The following CNTN5 variants were observed in gnomAD, a reference collection of about 807,000 sequenced individuals.
CNTN5 encodes contactin-5.
Under a neutral mutation model 129.1 loss-of-function variants are expected in CNTN5, and 77 were observed. The ratio of observed to expected loss-of-function variants is 0.60; its 90% confidence interval spans 0.50 to 0.72. CNTN5 has a LOEUF of 0.72. Ranked by LOEUF, CNTN5 falls within the 30% of genes least tolerant of loss-of-function variation. The probability of loss-of-function intolerance (pLI) is 0.00; values close to 1 mark genes in which losing one functional copy is unlikely to be tolerated. For synonymous variants in CNTN5, 509 were observed against 465.6 expected (o/e 1.09, Z -1.20); for missense variants, 1,478 against 1,328.8 (o/e 1.11, Z -1.75).
At chr11:100,299,624 T>C (rs1233214378) in intron 20 of CNTN5, among the ~76,000 whole-genome samples, 1 of 151,442 alleles carries the variant, frequency 6.6e-6, no homozygotes, top group Non-Finnish European at 1.5e-5. Context: ...TAACAATATA[T>C]GGCAAACATA....
intron 2 of CNTN5, among the ~76,000 whole-genome samples, chr11:99,456,595 A>T (rs970539605): frequency 1.3e-5 from 2 of 152,072 alleles, no homozygotes; most frequent in African/African-American, 4.8e-5. Context: ...AGAAGAGTTC[A>T]TCTCAAAAAA....
chr11:99,966,680 G>A (rs1349688136), intron 8 of CNTN5, among the ~76,000 whole-genome samples: 2 of 152,204 alleles, frequency 1.3e-5, no homozygotes, highest in African/African-American at 4.8e-5. Flanking sequence ...TGTTGAACTA[G>A]CACACAAGAA....
At chr11:100,236,967 A>G (rs1228794585) in intron 16 of CNTN5, among the ~76,000 whole-genome samples, 1 of 152,142 alleles carries the variant, frequency 6.6e-6, no homozygotes, top group Non-Finnish European at 1.5e-5. Flanking sequence ...AGGCGGGTGG[A>G]TCACGAGGTC....
chr11:99,685,295 A>G (rs1472870589), intron 3 of CNTN5, among the ~76,000 whole-genome samples: 1 of 151,854 alleles, frequency 6.6e-6, no homozygotes, highest in East Asian at 1.9e-4. Context: ...GGAAAATTTT[A>G]GTAAATAATG....
chr11:99,609,818 G>T (rs1565345302), intron 3 of CNTN5, among the ~76,000 whole-genome samples: 1 of 152,062 alleles, frequency 6.6e-6, no homozygotes, highest in Non-Finnish European at 1.5e-5. Context: ...TGGCTCAACT[G>T]TTTACTGGGT....
intron 3 of CNTN5, among the ~76,000 whole-genome samples, chr11:99,568,292 T>C (rs900849112): frequency 1.3e-5 from 2 of 152,194 alleles, no homozygotes; most frequent in Non-Finnish European, 1.5e-5. Context: ...ATTACATTGA[T>C]TTTCTTTATT....
intron 13 of CNTN5, among the ~76,000 whole-genome samples, chr11:100,146,146 T>C (rs1946845467): frequency 6.6e-6 from 1 of 152,122 alleles, no homozygotes. Flanking sequence ...GTGTTTTATG[T>C]GAGGGAAATA....
At chr11:99,911,031 G>T (rs144629094) in intron 6 of CNTN5, among the ~76,000 whole-genome samples, 2 of 151,948 alleles carry the variant, frequency 1.3e-5, no homozygotes, top group Non-Finnish European at 2.9e-5. Flanking sequence ...AAAGTTGAAG[G>T]CCTCTCATGT....
chr11:99,937,512 G>C (rs1484596531), intron 7 of CNTN5, among the ~76,000 whole-genome samples: 1 of 152,208 alleles, frequency 6.6e-6, no homozygotes, highest in Non-Finnish European at 1.5e-5. Context: ...GGCCAGCGGT[G>C]ACAGGGCTGT....
chr11:99,396,135 T>C (rs1359767732), intron 2 of CNTN5, among the ~76,000 whole-genome samples: 1 of 151,844 alleles, frequency 6.6e-6, no homozygotes. Flanking sequence ...TTTGGCAGTA[T>C]GGCCATTTTT....
At chr11:99,227,646 T>C (rs1309304836) in intron 1 of CNTN5, among the ~76,000 whole-genome samples, 3 of 152,198 alleles carry the variant, frequency 2.0e-5, no homozygotes, top group Non-Finnish European at 4.4e-5. Context: ...TGTGCTTCAA[T>C]GCGTTATCAA....
chr11:99,870,040 G>C (rs1037090007), intron 6 of CNTN5, among the ~76,000 whole-genome samples: 1 of 152,086 alleles, frequency 6.6e-6, no homozygotes, highest in Non-Finnish European at 1.5e-5. Context: ...CTCAGTGGTA[G>C]GCACACTAAT....
chr11:99,862,921 G>A (rs1948252532), intron 6 of CNTN5, among the ~76,000 whole-genome samples: 1 of 152,068 alleles, frequency 6.6e-6, no homozygotes, highest in Non-Finnish European at 1.5e-5. Flanking sequence ...GTGAGAAGTC[G>A]ATCTGGGGAA....
At chr11:100,168,624 A>T (rs1947725487) in intron 13 of CNTN5, among the ~76,000 whole-genome samples, 1 of 152,030 alleles carries the variant, frequency 6.6e-6, no homozygotes, top group African/African-American at 2.4e-5. Context: ...GCACCTGGTC[A>T]TCTCAGAGCC....
intron 2 of CNTN5, among the ~76,000 whole-genome samples, chr11:99,463,893 T>A (rs2135246731): frequency 6.6e-6 from 1 of 152,346 alleles, no homozygotes; most frequent in South Asian, 2.1e-4. Context: ...AATAGCAGTT[T>A]TTAAACTAAA....
intron 1 of CNTN5, among the ~76,000 whole-genome samples, chr11:99,103,145 G>T (rs1260906520): frequency 6.6e-6 from 1 of 152,102 alleles, no homozygotes; most frequent in Non-Finnish European, 1.5e-5. Context: ...CACCCCAGTG[G>T]TTTATCTCCC....
chr11:99,994,560 T>A (rs1304067436), intron 8 of CNTN5, among the ~76,000 whole-genome samples: 3 of 152,118 alleles, frequency 2.0e-5, no homozygotes, highest in African/African-American at 7.2e-5. Flanking sequence ...ATGCCAGCAC[T>A]CACAGGGACT....
intron 6 of CNTN5, among the ~76,000 whole-genome samples, chr11:99,898,002 G>A (rs1023241681): frequency 3.9e-5 from 6 of 152,066 alleles, no homozygotes; most frequent in African/African-American, 1.4e-4. Flanking sequence ...ACAGCATCAA[G>A]TCAGAAATCA....
chr11:99,649,056 G>T (rs1416979676), intron 3 of CNTN5, among the ~76,000 whole-genome samples: 1 of 151,608 alleles, frequency 6.6e-6, no homozygotes, highest in Non-Finnish European at 1.5e-5. Flanking sequence ...GATATTGAAA[G>T]TTCCCAATAA....
Sources: allele counts gnomAD v4.1 joint callset (sites outside exome capture counted in the v4.1 genomes callset), GRCh38; gene constraint gnomAD v4.1.1; transcripts MANE v1.5; gene names NCBI Gene and HGNC (gene_info 2026-07-23, HGNC 2026-07-21).